Variants in FBP2 observed in about 807,000 individuals in gnomAD.
The protein encoded by FBP2 is fructose-1,6-bisphosphatase isozyme 2.
Under a neutral mutation model 31.6 loss-of-function variants are expected in FBP2, and 27 were observed. The observed-to-expected ratio is 0.85, with a 90% CI of 0.63 to 1.18. The LOEUF is 1.18. Ranked by LOEUF, FBP2 falls within the 50% of genes most tolerant of loss-of-function variation. FBP2 has a pLI of 0.00. For missense variants in FBP2, 421 were observed against 436.1 expected (o/e 0.97, Z 0.31); for synonymous variants, 168 against 179.8 (o/e 0.93, Z 0.53).
chr9:94,565,111 C>T (rs982881032), intron 5 of FBP2, among the ~76,000 whole-genome samples: 1 of 152,070 alleles, frequency 6.6e-6, no homozygotes, highest in East Asian at 1.9e-4. Context: ...TGGTGGTTCA[C>T]GCCTGTAATC....
chr9:94,574,049 G>T (rs1289285279), intron 3 of FBP2, among the ~76,000 whole-genome samples: 2 of 152,064 alleles, frequency 1.3e-5, no homozygotes, highest in Non-Finnish European at 2.9e-5. Context: ...TTGAGACATT[G>T]GTTCGTTTCA....
At chr9:94,590,563 A>T (rs1827484713) in intron 1 of FBP2, among the ~76,000 whole-genome samples, 1 of 152,008 alleles carries the variant, frequency 6.6e-6, no homozygotes, top group Non-Finnish European at 1.5e-5. Flanking sequence ...GCGCATCTGG[A>T]GTTGTTCGTT....
chr9:94,567,509 C>A, intron 4 of FBP2, 102 bp from the exon 5 acceptor site: 1 of 1,414,476 alleles, frequency 7.1e-7, no homozygotes, highest in African/African-American at 1.4e-5. Context: ...GGCCTGCTGG[C>A]AGAGCTGGGG....
chr9:94,572,250 T>A (rs1827277472), intron 3 of FBP2, among the ~76,000 whole-genome samples: 1 of 152,098 alleles, frequency 6.6e-6, no homozygotes, highest in African/African-American at 2.4e-5. Context: ...GCAAAATGAT[T>A]CTTCCTCACC....
intron 1 of FBP2, among the ~76,000 whole-genome samples, chr9:94,590,737 G>A (rs1016590850): frequency 3.3e-5 from 5 of 152,324 alleles, no homozygotes; most frequent in South Asian, 2.1e-4. Context: ...ACGGGTTGCC[G>A]ATGCTGGTTT....
chr9:94,569,149 CAT>C (rs1469177199), intron 4 of FBP2: 1 of 152,240 alleles, frequency 6.6e-6, no homozygotes, highest in African/African-American at 2.4e-5. Context: ...TAGGAAGACT[CAT>C]ATCTGGGCCT....
intron 1 of FBP2, among the ~76,000 whole-genome samples, chr9:94,590,742 T>C (rs899840092): frequency 6.6e-6 from 1 of 152,228 alleles, no homozygotes; most frequent in African/African-American, 2.4e-5. Context: ...TTGCCGATGC[T>C]GGTTTAGGCA....
chr9:94,587,287 A>G lies in FBP2; in HGVS notation c.333+20T>C. ...TATCATCATCTACTGGCGAGCGGGC[A>G]CCGCAGCCCCATGACGCACCCGCTT... On this transcript the variant is annotated intron_variant, in intron 2 of 6. Transcript: ENST00000375337. 1 of 1,588,060 alleles carries G rather than the reference A, an allele frequency of 6.3e-7. No individual in the cohort carries two copies. The highest frequency in any genetic ancestry group is 8.5e-7 in the Non-Finnish European group (1 of 1,171,600).
intron 1 of FBP2, among the ~76,000 whole-genome samples, chr9:94,589,160 C>T (rs1191948324): frequency 3.3e-5 from 5 of 152,056 alleles, no homozygotes; most frequent in Admixed American, 6.6e-5. Context: ...TGAGGGAAGC[C>T]GTATCCTTCA....
chr9:94,577,058 TCAC>T (rs1827322792), intron 3 of FBP2, among the ~76,000 whole-genome samples: 1 of 152,150 alleles, frequency 6.6e-6, no homozygotes, highest in Non-Finnish European at 1.5e-5. Flanking sequence ...TAGAAACATT[TCAC>T]CTTGACTGGT....
chr9:94,568,968 G>A (rs1259925934), intron 4 of FBP2: 1 of 152,216 alleles, frequency 6.6e-6, no homozygotes, highest in Non-Finnish European at 1.5e-5. Flanking sequence ...ACACCCCATG[G>A]TTCCTCTGCA....
intron 5 of FBP2, among the ~76,000 whole-genome samples, chr9:94,564,904 A>G (rs2131443980): frequency 6.6e-6 from 1 of 152,332 alleles, no homozygotes; most frequent in South Asian, 2.1e-4. Flanking sequence ...ACAATAATAT[A>G]TGACATATTT....
At chr9:94,567,579 G>C in intron 4 of FBP2, 172 bp from the exon 5 acceptor site, 1 of 647,608 alleles carries the variant, frequency 1.5e-6, no homozygotes, top group East Asian at 2.7e-5. Context: ...GGGAAGAATA[G>C]GGACCATATG....
intron 2 of FBP2, among the ~76,000 whole-genome samples, chr9:94,585,212 T>A (rs1034630074): frequency 6.6e-5 from 10 of 152,150 alleles, no homozygotes; most frequent in Non-Finnish European, 1.3e-4. Flanking sequence ...GTAGAAAAGT[T>A]AGATAATTTG....
At position 94,572,714 on chromosome 9, in the gene FBP2, A is replaced by C. The variant is rs191271849; in HGVS notation, c.427-1112T>G. Among the ~76,000 whole-genome samples, 477 of 151,990 alleles carry C rather than the reference A, an allele frequency of 3.1e-3. 2 individuals are homozygous for C. The highest frequency in any genetic ancestry group is 5.1e-3 in the Non-Finnish European group (346 of 67,938). The stretch of plus-strand genomic sequence containing the variant: ...TGCATTTAATTCACACACACACACA[A>C]CACACACATGAGTTTACACACACAC... On this transcript the variant is annotated intron_variant, in intron 3 of 6. Coordinates refer to ENST00000375337, the MANE Select transcript of FBP2 (RefSeq NM_003837.4).
intron 1 of FBP2, among the ~76,000 whole-genome samples, chr9:94,592,305 A>G (rs1200068064): frequency 6.6e-6 from 1 of 152,212 alleles, no homozygotes. Flanking sequence ...CCACCCCTAA[A>G]TAAATACAGT....
rs201564156 is a variant in FBP2 at position 94,561,509 on chromosome 9, C to T, written c.825+1833G>A. On this transcript the variant is annotated intron_variant, in intron 6 of 6. Coordinates refer to ENST00000375337, the MANE Select transcript of FBP2 (RefSeq NM_003837.4). ...TCCCGAGTAGCTGGAACCACAGGCA[C>T]ATGCCACCACGCCTGGCTAATTATT... Among the ~76,000 whole-genome samples, 43 of 152,140 alleles carry T rather than the reference C, an allele frequency of 2.8e-4. 1 individual carries two copies. The highest frequency in any genetic ancestry group is 2.3e-3 in the East Asian group (12 of 5,164).
chr9:94,585,306 A>G lies in FBP2; in HGVS notation c.334-637T>C, dbSNP rs189049767. ...ATTTAGCCCATTCATTCATGCATGCATGCATTCAGCAGATACATGTTGAGC... is the reference window on the plus strand; with the variant it reads ...ATTTAGCCCATTCATTCATGCATGCGTGCATTCAGCAGATACATGTTGAGC... On this transcript the variant is annotated intron_variant, in intron 2 of 6. Transcript: ENST00000375337. Among the ~76,000 whole-genome samples the G allele has an allele frequency of 2.6e-5, 4 of 152,284 alleles. No homozygotes were observed. The East Asian group carries it at 7.7e-4, about 29-fold the overall frequency.
chr9:94,569,113 G>T (rs1015694571), intron 4 of FBP2: 3 of 152,282 alleles, frequency 2.0e-5, no homozygotes, highest in African/African-American at 7.2e-5. Flanking sequence ...AAAGTGCCCT[G>T]ACTTGCTTTG....
Sources: gnomAD v4.1 joint callset for allele counts (sites outside exome capture counted in the v4.1 genomes callset) on GRCh38, gnomAD v4.1.1 for gene constraint, MANE v1.5 for transcripts, NCBI Gene and HGNC (gene_info 2026-07-23, HGNC 2026-07-21) for gene names.